ADGRB3: variants seen among roughly 807,000 people sequenced by gnomAD.
ADGRB3 encodes adhesion G protein-coupled receptor B3.
ADGRB3 carries 37 observed loss-of-function variants against 193.4 expected under a neutral mutation model. That is an observed-to-expected ratio of 0.19 (90% CI 0.15 to 0.25). The LOEUF is 0.25. Among genes scored for constraint, ADGRB3 ranks in the 10% least tolerant of loss-of-function variants. ADGRB3 has a pLI of 1.00. For missense variants in ADGRB3, 1,637 were observed against 1,852.9 expected (o/e 0.88, Z 2.14); for synonymous variants, 690 against 644.2 (o/e 1.07, Z -1.08).
chr6:68,839,726 C>A (rs2204284), intron 3 of ADGRB3, among the ~76,000 whole-genome samples: 12 of 152,094 alleles, frequency 7.9e-5, no homozygotes, highest in Non-Finnish European at 1.5e-4. Context: ...AAAAAGAGCC[C>A]TTCATAAGAA....
chr6:68,672,947 T>A (rs1234426896), intron 3 of ADGRB3, among the ~76,000 whole-genome samples: 2 of 152,050 alleles, frequency 1.3e-5, no homozygotes, highest in African/African-American at 4.8e-5. Flanking sequence ...CCCTGCATCT[T>A]CAGACCACAG....
intron 17 of ADGRB3, among the ~76,000 whole-genome samples, chr6:69,086,187 T>C (rs1175316119): frequency 6.6e-6 from 1 of 152,126 alleles, no homozygotes; most frequent in Non-Finnish European, 1.5e-5. Context: ...ACATGGTCTA[T>C]AAAAAAGTAA....
intron 3 of ADGRB3, among the ~76,000 whole-genome samples, chr6:68,889,581 C>G (rs371828093): frequency 6.6e-6 from 1 of 151,498 alleles, no homozygotes; most frequent in East Asian, 2.0e-4. Context: ...CAGCTCACTG[C>G]AAGCTCCGCC....
chr6:69,156,775 A>G (rs1774851408), intron 17 of ADGRB3, among the ~76,000 whole-genome samples: 1 of 152,254 alleles, frequency 6.6e-6, no homozygotes, highest in South Asian at 2.1e-4. Context: ...CTAAAGCTAC[A>G]CCAGCTAATT....
intron 13 of ADGRB3, among the ~76,000 whole-genome samples, chr6:69,030,819 A>G (rs1256199849): frequency 6.6e-6 from 1 of 152,002 alleles, no homozygotes; most frequent in Non-Finnish European, 1.5e-5. Context: ...TTTGGGTTTG[A>G]GTTTTCTTTT....
At chr6:69,172,263 A>G (rs111896103) in intron 17 of ADGRB3, among the ~76,000 whole-genome samples, 5 of 152,086 alleles carry the variant, frequency 3.3e-5, no homozygotes, top group Admixed American at 6.5e-5. Context: ...AATTATGCCT[A>G]CCTCTGGTGG....
In ADGRB3 at chr6:68,980,853, TA is replaced by T. The variant is rs1216805486; in HGVS notation, c.1734+5516del. 3.3e-5 allele frequency among the ~76,000 whole-genome samples: 5 copies of T among 151,446 alleles called. 1 individual carries two copies. The highest frequency in any genetic ancestry group is 7.4e-5 in the Non-Finnish European group (5 of 67,698). ...AAGTCATGGAAAAGCAGGGAGCACC[TA>T]AATCAGTAGTTCTTAATCCTGACAA... On this transcript the variant is annotated intron_variant, in intron 10 of 31. Coordinates refer to ENST00000370598, the MANE Select transcript of ADGRB3 (RefSeq NM_001704.3).
intron 3 of ADGRB3, among the ~76,000 whole-genome samples, chr6:68,773,478 T>A (rs901065827): frequency 6.6e-6 from 1 of 152,178 alleles, no homozygotes; most frequent in Non-Finnish European, 1.5e-5. Context: ...CGTAGTGAGA[T>A]AATTTGTGTT....
At chr6:68,886,963 G>T (rs1248743757) in intron 3 of ADGRB3, among the ~76,000 whole-genome samples, 2 of 151,252 alleles carry the variant, frequency 1.3e-5, no homozygotes, top group African/African-American at 4.9e-5. Context: ...GTAAGTCTGG[G>T]TGGTTTGCAA....
At chr6:69,150,079 T>C (rs1600873) in intron 17 of ADGRB3, among the ~76,000 whole-genome samples, 96,932 of 151,608 alleles carry the variant, frequency 0.64, 32,219 homozygotes, top group East Asian at 0.95. Flanking sequence ...AGCACTGTCT[T>C]GCCAAATGCT....
chr6:68,812,858 T>A (rs959231098), intron 3 of ADGRB3, among the ~76,000 whole-genome samples: 3 of 150,242 alleles, frequency 2.0e-5, no homozygotes, highest in Non-Finnish European at 4.4e-5. Flanking sequence ...CAGTGTGTGA[T>A]GTTCCCCTCC....
chr6:68,742,045 A>C (rs1362729901), intron 3 of ADGRB3, among the ~76,000 whole-genome samples: 1 of 152,200 alleles, frequency 6.6e-6, no homozygotes, highest in Non-Finnish European at 1.5e-5. Context: ...ATTTAGCTTA[A>C]AATATGAAGA....
chr6:68,977,948 T>C (rs2150267088), intron 10 of ADGRB3, among the ~76,000 whole-genome samples: 1 of 151,702 alleles, frequency 6.6e-6, no homozygotes, highest in East Asian at 1.9e-4. Flanking sequence ...GAACTTTTGA[T>C]ATGAAATCAT....
At chr6:68,864,833 G>T (rs981172572) in intron 3 of ADGRB3, among the ~76,000 whole-genome samples, 2 of 152,060 alleles carry the variant, frequency 1.3e-5, no homozygotes, top group Non-Finnish European at 2.9e-5. Context: ...GAAGATAGTT[G>T]GTTGTCTCTA....
At chr6:68,660,407 C>T (rs1768599647) in intron 3 of ADGRB3, among the ~76,000 whole-genome samples, 1 of 149,300 alleles carries the variant, frequency 6.7e-6, no homozygotes, top group East Asian at 2.0e-4. Context: ...ATTCTCAGAT[C>T]GCAGGGAAAA....
chr6:68,984,685 C>G (rs1222599865), intron 10 of ADGRB3, among the ~76,000 whole-genome samples: 2 of 151,630 alleles, frequency 1.3e-5, no homozygotes, highest in Non-Finnish European at 2.9e-5. Context: ...ATAAATGATC[C>G]AGTAAAAATT....
intron 8 of ADGRB3, among the ~76,000 whole-genome samples, chr6:68,968,237 C>A (rs889841366): frequency 3.3e-5 from 5 of 152,266 alleles, no homozygotes; most frequent in African/African-American, 1.2e-4. Context: ...CCTACTGGCT[C>A]ACTAGTGCCA....
intron 17 of ADGRB3, among the ~76,000 whole-genome samples, chr6:69,134,324 G>A (rs1310708316): frequency 6.6e-6 from 1 of 152,062 alleles, no homozygotes; most frequent in Admixed American, 6.6e-5. Context: ...TCTCCAGGAA[G>A]CATTTCCTCA....
chr6:68,739,851 A>C (rs919539384), intron 3 of ADGRB3, among the ~76,000 whole-genome samples: 1 of 152,144 alleles, frequency 6.6e-6, no homozygotes, highest in African/African-American at 2.4e-5. Flanking sequence ...ATAGTCATTT[A>C]GTTTCATTAT....
Sources: allele counts gnomAD v4.1 joint callset (sites outside exome capture counted in the v4.1 genomes callset), GRCh38; gene constraint gnomAD v4.1.1; transcripts MANE v1.5; gene names NCBI Gene and HGNC (gene_info 2026-07-23, HGNC 2026-07-21).